The following LPA variants were observed in gnomAD, a reference collection of about 807,000 sequenced individuals.
LPA encodes the protein lipoprotein(a), also known as apolipoprotein(a).
LPA carries 199 observed loss-of-function variants against 197.9 expected under a neutral mutation model. That is an observed-to-expected ratio of 1.01 (90% CI 0.90 to 1.13). The LOEUF (loss-of-function observed/expected upper bound fraction) is 1.13. Ranked by LOEUF, LPA falls within the 50% of genes most tolerant of loss-of-function variation. LPA has a pLI of 0.00. For missense variants in LPA, 1,853 were observed against 1,785.8 expected (o/e 1.04, Z -0.68); for synonymous variants, 715 against 639.5 (o/e 1.12, Z -1.78).
At chr6:160,601,690 C>T (rs186879970) in intron 18 of LPA, among the ~76,000 whole-genome samples, 98 of 152,310 alleles carry the variant, frequency 6.4e-4, no homozygotes, top group African/African-American at 2.2e-3. Flanking sequence ...TCCTGTCTGT[C>T]GATACCGTAT....
intron 24 of LPA, among the ~76,000 whole-genome samples, chr6:160,589,252 TG>T (rs1258981840): frequency 6.6e-6 from 1 of 152,214 alleles, no homozygotes; most frequent in East Asian, 1.9e-4. Context: ...TGGTCTTTAG[TG>T]GGCATTGTGG....
intron 16 of LPA, among the ~76,000 whole-genome samples, chr6:160,610,532 T>C (rs1321965082): frequency 6.6e-6 from 1 of 152,196 alleles, no homozygotes; most frequent in Non-Finnish European, 1.5e-5. Context: ...GTAGTTGCTG[T>C]TTCTCAGTAA....
At chr6:160,594,560 C>T (rs1404559624) in intron 21 of LPA, among the ~76,000 whole-genome samples, 1 of 152,182 alleles carries the variant, frequency 6.6e-6, no homozygotes, top group Non-Finnish European at 1.5e-5. Flanking sequence ...CCTTCAGCTT[C>T]TTGAAGATGG....
chr6:160,643,156 TG>T (rs1779870200), intron 4 of LPA, among the ~76,000 whole-genome samples: 1 of 144,530 alleles, frequency 6.9e-6, no homozygotes, highest in African/African-American at 2.5e-5. Context: ...TGTTGGGTAA[TG>T]TTTTCCTCTG....
chr6:160,604,942 A>AAG, intron 18 of LPA, 104 bp downstream of exon 18: 1 of 1,540,488 alleles, frequency 6.5e-7, no homozygotes, highest in Non-Finnish European at 8.9e-7. Context: ...TGCACTGTTC[A>AAG]TCTGAGACAA....
At chr6:160,539,899 T>C (rs1430586971) in intron 36 of LPA, 144 bp downstream of exon 36, 5 of 1,093,842 alleles carry the variant, frequency 4.6e-6, no homozygotes, top group Non-Finnish European at 5.5e-6. Context: ...GGGTTGAAGA[T>C]TGATGCTGTC....
intron 28 of LPA, among the ~76,000 whole-genome samples, chr6:160,568,378 A>T (rs1162911005): frequency 1.3e-5 from 2 of 152,214 alleles, no homozygotes; most frequent in Admixed American, 1.3e-4. Context: ...ACAGAACCAA[A>T]GACAAAAACC....
At chr6:160,561,435 T>G (rs1347441109) in intron 28 of LPA, among the ~76,000 whole-genome samples, 1 of 152,234 alleles carries the variant, frequency 6.6e-6, no homozygotes, top group African/African-American at 2.4e-5. Context: ...TATATCTGTT[T>G]TGGTACCAGT....
At chr6:160,561,535 G>C (rs889310461) in intron 28 of LPA, among the ~76,000 whole-genome samples, 1 of 152,136 alleles carries the variant, frequency 6.6e-6, no homozygotes, top group African/African-American at 2.4e-5. Context: ...TTTTTGCTTA[G>C]GTTGTCTTGG....
intron 16 of LPA, among the ~76,000 whole-genome samples, chr6:160,609,782 T>A (rs921335756): frequency 1.3e-5 from 2 of 152,024 alleles, no homozygotes; most frequent in African/African-American, 4.8e-5. Flanking sequence ...TGTTTGTGTG[T>A]GTGTTAGAAC....
At chr6:160,653,958 AAT>A (rs1780054475) in intron 1 of LPA, among the ~76,000 whole-genome samples, 1 of 36,038 alleles carries the variant, frequency 2.8e-5, no homozygotes, top group Non-Finnish European at 4.7e-5. Flanking sequence ...TATTATATAT[AAT>A]ATATATTATA....
intron 20 of LPA, among the ~76,000 whole-genome samples, chr6:160,597,345 C>T (rs764817007): frequency 6.6e-6 from 1 of 152,170 alleles, no homozygotes; most frequent in Non-Finnish European, 1.5e-5. Flanking sequence ...AATCATACAT[C>T]ACAAAAGCTC....
chr6:160,586,191 C>A (rs575573013), intron 25 of LPA, among the ~76,000 whole-genome samples: 2 of 152,094 alleles, frequency 1.3e-5, no homozygotes, highest in African/African-American at 2.4e-5. Flanking sequence ...TAATATGATT[C>A]GTTTGATAAC....
intron 19 of LPA, 60 bp downstream of exon 19, chr6:160,600,857 G>T: frequency 6.4e-7 from 1 of 1,562,258 alleles, no homozygotes; most frequent in Non-Finnish European, 8.8e-7. Context: ...CGTCAGTGGG[G>T]GTATCCATGG....
chr6:160,553,954 T>TGTGTGCGC (rs771903485), intron 30 of LPA, among the ~76,000 whole-genome samples: 16 of 130,746 alleles, frequency 1.2e-4, no homozygotes, highest in African/African-American at 3.9e-4. Flanking sequence ...TGTGTGTGTG[T>TGTGTGCGC]GCGCGCGCGC....
chr6:160,634,035 T>TAAGGGAA, intron 7 of LPA, 123 bp from the exon 8 acceptor site: 3 of 1,408,928 alleles, frequency 2.1e-6, no homozygotes, highest in African/African-American at 1.5e-5. Flanking sequence ...CCCTTACCTG[T>TAAGGGAA]AGGCAGATGG....
In LPA at chr6:160,650,446, T is replaced by A; in HGVS notation, c.101A>T (p.Gln34Leu). 6.2e-7 allele frequency: 1 copy of A among 1,613,926 alleles called. No homozygotes were observed. Among genetic ancestry groups the A allele is most frequent in the Non-Finnish European group, 8.5e-7 (1 of 1,179,818 alleles). Residue 34 changes from glutamine (Q) to leucine (L), a missense_variant, in exon 2 of 39, where the codon CAG (glutamine) becomes CTG (leucine). Physicochemically the swap from Gln to Leu is moderately radical, Grantham distance 113. Transcript: ENST00000316300. ...VVQDCYHGDGQSYRGTYSTTV... is the reference protein window; with the variant it reads ...VVQDCYHGDGLSYRGTYSTTV... ...GGTGGAGTACGTGCCTCGATAACTCTGTCCATCACCATGGTAGCAATCCTG... is the reference window on the plus strand; with the variant it reads ...GGTGGAGTACGTGCCTCGATAACTCAGTCCATCACCATGGTAGCAATCCTG...
At chr6:160,569,837 C>T (rs1264956461) in intron 28 of LPA, among the ~76,000 whole-genome samples, 2 of 152,158 alleles carry the variant, frequency 1.3e-5, no homozygotes, top group African/African-American at 4.8e-5. Context: ...TATTAACAGA[C>T]AATTCTCAAA....
At position 160,576,377 on chromosome 6, in the gene LPA, T is replaced by C. The variant is rs1369309382; in HGVS notation, c.4631+759A>G. Among the ~76,000 whole-genome samples, 5 of 65,950 alleles carry C rather than the reference T, an allele frequency of 7.6e-5. 1 individual carries two copies. The highest frequency in any genetic ancestry group is 3.5e-4 in the African/African-American group (4 of 11,428). 43.3% of individuals were successfully genotyped at this position (65,950 alleles called of 152,430 possible). A position where few individuals can be genotyped will look rare whatever the true frequency, so the allele number is the denominator to read the frequency against. ...ATATATATATATATACATATATATATATATATATATATGTATATATATATA... is the reference window on the plus strand; with the variant it reads ...ATATATATATATATACATATATATACATATATATATATGTATATATATATA... On this transcript the variant is annotated intron_variant, in intron 28 of 38. Transcript: ENST00000316300.
Sources: allele counts gnomAD v4.1 joint callset (sites outside exome capture counted in the v4.1 genomes callset), GRCh38; gene constraint gnomAD v4.1.1; transcripts MANE v1.5; gene names NCBI Gene and HGNC (gene_info 2026-07-23, HGNC 2026-07-21).